The following SPNS3 variants were observed in gnomAD, a reference collection of about 807,000 sequenced individuals.
SPNS3 encodes the protein SPNS lysolipid transporter 3, sphingosine-1-phosphate (putative), also known as protein spinster homolog 3.
In SPNS3, 51 loss-of-function variants were observed where a neutral mutation model predicts 54.4. The ratio of observed to expected loss-of-function variants is 0.94; its 90% CI spans 0.75 to 1.18. SPNS3 has a LOEUF of 1.18. SPNS3 is among the 50% of genes most tolerant of loss of function. The pLI is 0.00. For synonymous variants in SPNS3, 309 were observed against 294.7 expected (o/e 1.05, Z -0.50); for missense variants, 669 against 677.4 (o/e 0.99, Z 0.14).
At chr17:4,480,876 C>A (rs991986621) in intron 9 of SPNS3, among the ~76,000 whole-genome samples, 1 of 152,194 alleles carries the variant, frequency 6.6e-6, no homozygotes, top group Non-Finnish European at 1.5e-5. Flanking sequence ...CCCACCTGCC[C>A]GGAGCCCCGT....
intron 8 of SPNS3, among the ~76,000 whole-genome samples, chr17:4,471,763 G>A (rs1009452663): frequency 6.6e-6 from 1 of 152,052 alleles, no homozygotes; most frequent in Non-Finnish European, 1.5e-5. Flanking sequence ...ACTGTGCCCG[G>A]TCTGAATTAA....
chr17:4,446,910 T>C lies in SPNS3; in HGVS notation c.569T>C (p.Val190Ala). 6.2e-7 allele frequency: 1 copy of C among 1,614,104 alleles called. No individual in the cohort carries two copies. Among genetic ancestry groups the C allele is most frequent in the Non-Finnish European group, 8.5e-7 (1 of 1,180,010 alleles). Reference protein sequence around the residue: ...FIPVGSGLGYVLGSAVTMLTG... With the variant: ...FIPVGSGLGYALGSAVTMLTG... ...CTTTGTTGCAGTGGTCTGGGCTACG[T>C]GCTGGGGTCGGCTGTGACGATGCTG... Residue 190 changes from valine (V) to alanine (A), a missense_variant, in exon 5 of 12, where the codon GTG (valine) becomes GCG (alanine). Transcript: ENST00000355530.
At chr17:4,444,907 C>A (rs781359024) in intron 2 of SPNS3, 125 bp from the exon 3 acceptor site, 64 of 1,153,322 alleles carry the variant, frequency 5.5e-5, no homozygotes, top group Non-Finnish European at 7.3e-5. Flanking sequence ...TTCCTCATAC[C>A]CTGGGCCCAC....
chr17:4,454,408 T>C lies in SPNS3; in HGVS notation c.1113+1203T>C, dbSNP rs530691345. Reference sequence around the variant, plus strand: ...TGGGCCCTGTGGCTGCAGACACAGATGCGCTTGCACATGTTAACCAGGTTT... The same window carrying C: ...TGGGCCCTGTGGCTGCAGACACAGACGCGCTTGCACATGTTAACCAGGTTT... On this transcript the variant is annotated intron_variant, in intron 8 of 11. Coordinates refer to ENST00000355530, the MANE Select transcript of SPNS3 (RefSeq NM_182538.5). Among the ~76,000 whole-genome samples, 8 of 152,370 alleles carry C rather than the reference T, an allele frequency of 5.3e-5. No individual in the cohort carries two copies. In the East Asian group the frequency reaches 1.5e-3, roughly 29 times the overall value.
chr17:4,467,470 C>T (rs922289748), intron 8 of SPNS3, among the ~76,000 whole-genome samples: 13 of 152,162 alleles, frequency 8.5e-5, no homozygotes, highest in African/African-American at 3.1e-4. Context: ...GCTGACCTTA[C>T]TCACCTCCGG....
At position 4,483,345 on chromosome 17, in the gene SPNS3, C is replaced by T. The variant is rs760001291; in HGVS notation, c.1180-2883C>T. On this transcript the variant is annotated intron_variant, in intron 9 of 11. Coordinates refer to ENST00000355530, the MANE Select transcript of SPNS3 (RefSeq NM_182538.5). This position sits in a 1 kb window ranked among gnomAD's most constrained non-coding sequence, Gnocchi z 4.2. Reference sequence around the variant, plus strand: ...CTGGATTTTTGGGAACCCAAAGCCTCTTATTTCTGAAATTACCCCCTGGGC... The same window carrying T: ...CTGGATTTTTGGGAACCCAAAGCCTTTTATTTCTGAAATTACCCCCTGGGC... 6.6e-6 allele frequency: 1 copy of T among 152,258 alleles called. No individual in the cohort carries two copies. The highest frequency in any genetic ancestry group is 1.5e-5 in the Non-Finnish European group (1 of 68,070). The allele number at this position is 152,258 out of a possible 1,614,324, so 9.4% of individuals were successfully genotyped here.
At chr17:4,476,400 C>T (rs947325615) in intron 8 of SPNS3, among the ~76,000 whole-genome samples, 2 of 152,154 alleles carry the variant, frequency 1.3e-5, no homozygotes, top group Non-Finnish European at 2.9e-5. Context: ...GGGTGTATTT[C>T]AGCATGTCCT....
chr17:4,445,190 C>T (rs898249038), intron 3 of SPNS3, 22 bp downstream of exon 3: 8 of 1,596,752 alleles, frequency 5.0e-6, no homozygotes, highest in African/African-American at 1.3e-5. Context: ...TGCCCCTGTC[C>T]AGGCCCCTGA....
rs748989170 is a variant in SPNS3, at chr17:4,446,149, C to G, written c.504C>G (p.Asp168Glu). 7 of 1,613,578 alleles carry G rather than the reference C, an allele frequency of 4.3e-6. 1 individual carries two copies. The South Asian group carries it at 7.7e-5, about 18-fold the overall frequency. ...PTVLGDLFVRDQRTRVLAVFY... is the reference protein window; with the variant it reads ...PTVLGDLFVREQRTRVLAVFY... ...TCCTGGGCGACCTCTTCGTGAGGGACCAGCGCACCCGCGTGCTGGCTGTCT... is the reference window on the plus strand; with the variant it reads ...TCCTGGGCGACCTCTTCGTGAGGGAGCAGCGCACCCGCGTGCTGGCTGTCT... The change falls in exon 4 of 12, where the codon GAC becomes GAG. Residue 168 changes from aspartate to glutamate, a missense_variant. By Grantham distance (45) the Asp-to-Glu change is conservative (BLOSUM62 2). Transcript: ENST00000355530.
At position 4,487,989 on chromosome 17, in the gene SPNS3, G is replaced by A; in HGVS notation, c.*95G>A. 1 of 1,088,578 alleles carries A rather than the reference G, an allele frequency of 9.2e-7. No individual in the cohort carries two copies. The highest frequency in any genetic ancestry group is 1.4e-6 in the Non-Finnish European group (1 of 725,486). The allele number at this position is 1,088,578 out of a possible 1,614,324, so 67.4% of individuals were successfully genotyped here. A position where few individuals can be genotyped will look rare whatever the true frequency, so the allele number is the denominator to read the frequency against. ...TCTTTGGCTGTCCTCGGGGACTCCG[G>A]CTGAGGCACATCTGCCACTTTTGAA... On this transcript the variant is annotated 3_prime_UTR_variant, in exon 12 of 12. Transcript: ENST00000355530.
At chr17:4,441,983 AGTG>A (rs1466461140) in intron 2 of SPNS3, among the ~76,000 whole-genome samples, 1 of 139,000 alleles carries the variant, frequency 7.2e-6, no homozygotes, top group Non-Finnish European at 1.5e-5. Context: ...CGGAGGGAGA[AGTG>A]TGTGTGTGTG....
intron 1 of SPNS3, among the ~76,000 whole-genome samples, chr17:4,435,866 A>C (rs1417835767): frequency 6.6e-6 from 1 of 152,080 alleles, no homozygotes; most frequent in Non-Finnish European, 1.5e-5. Flanking sequence ...CGGGAGGCGG[A>C]GGTTGCGGTG....
chr17:4,442,094 G>T (rs1248588021), intron 2 of SPNS3, among the ~76,000 whole-genome samples: 1 of 151,618 alleles, frequency 6.6e-6, no homozygotes, highest in Non-Finnish European at 1.5e-5. Flanking sequence ...GGGCTTAGAG[G>T]CCTGATGACC....
rs1305512454 is a variant in SPNS3, at chr17:4,486,945, G to A, written c.1450+362G>A. ...TCCCAGTACTTGGGGAGGCCAAGGC[G>A]GGCGGATTACAAGGTTAGGAGTTCA... On this transcript the variant is annotated intron_variant, in intron 11 of 11. Transcript: ENST00000355530. This position sits in a 1 kb window ranked among gnomAD's most constrained non-coding sequence, Gnocchi z 5.5. 2.6e-5 allele frequency among the ~76,000 whole-genome samples: 4 copies of A among 152,010 alleles called. No individual in the cohort carries two copies. The highest frequency in any genetic ancestry group is 7.2e-5 in the African/African-American group (3 of 41,386).
chr17:4,459,158 A>G (rs1971426010), intron 8 of SPNS3, among the ~76,000 whole-genome samples: 1 of 151,926 alleles, frequency 6.6e-6, no homozygotes, highest in African/African-American at 2.4e-5. Context: ...TAGTACGCCC[A>G]GTGTTGTCGT....
In SPNS3 at chr17:4,455,319, T is replaced by C. The variant is rs537564937; in HGVS notation, c.1113+2114T>C. ...ATCTTCTACCCCAACATCCCTGACA[T>C]CTCCCCTCCCCTTGCGATTCTGTCC... On this transcript the variant is annotated intron_variant, in intron 8 of 11. Transcript: ENST00000355530. 2.0e-3 allele frequency among the ~76,000 whole-genome samples: 302 copies of C among 152,202 alleles called. 1 individual carries two copies. Among genetic ancestry groups the C allele is most frequent in the African/African-American group, 6.9e-3 (286 of 41,532 alleles).
intron 8 of SPNS3, among the ~76,000 whole-genome samples, chr17:4,457,021 G>A (rs113392585): frequency 0.018 from 2,729 of 152,272 alleles, 74 homozygotes; most frequent in African/African-American, 0.062. Context: ...AGCCTGGAAG[G>A]TTTTTTCTTA....
chr17:4,440,487 A>G (rs894219167), intron 2 of SPNS3, among the ~76,000 whole-genome samples: 3 of 152,162 alleles, frequency 2.0e-5, no homozygotes, highest in African/African-American at 4.8e-5. Flanking sequence ...GTCACTTTCC[A>G]GGGGTTACAT....
At chr17:4,450,345 CT>C (rs1261263901) in intron 7 of SPNS3, among the ~76,000 whole-genome samples, 97 of 78,804 alleles carry the variant, frequency 1.2e-3, no homozygotes, top group African/African-American at 3.5e-3. Flanking sequence ...CTCCCTCTCC[CT>C]CTCCCCTCCT....
Sources: allele counts gnomAD v4.1 joint callset (sites outside exome capture counted in the v4.1 genomes callset), GRCh38; gene constraint gnomAD v4.1.1; non-coding constraint Gnocchi (gnomAD v3.1); transcripts MANE v1.5; gene names NCBI Gene and HGNC (gene_info 2026-07-23, HGNC 2026-07-21).